The following PTPRR variants were observed in gnomAD, a reference collection of about 807,000 sequenced individuals.
PTPRR encodes protein tyrosine phosphatase receptor type R.
PTPRR carries 38 observed loss-of-function variants against 77.2 expected under a neutral mutation model. The observed-to-expected ratio is 0.49, with a 90% confidence interval of 0.38 to 0.65. PTPRR has a LOEUF of 0.65. Among genes scored for constraint, PTPRR ranks in the 30% least tolerant of loss-of-function variants. The probability of loss-of-function intolerance (pLI) is 0.00; values close to 1 mark genes in which losing one functional copy is unlikely to be tolerated. For missense variants in PTPRR, 744 were observed against 799.2 expected, an observed-to-expected ratio of 0.93 and a Z score of 0.83; for synonymous variants, 299 against 283.1, an observed-to-expected ratio of 1.06 and a Z score of -0.57.
intron 6 of PTPRR, 76 bp downstream of exon 6, chr12:70,745,742 T>A (rs2136927054): frequency 6.8e-7 from 1 of 1,470,892 alleles, no homozygotes; most frequent in South Asian, 1.3e-5. Context: ...CAATCATTAC[T>A]AGTTCTTTCT....
rs73329575 is a variant in PTPRR, at chr12:70,687,600, C to T, written c.1280-2817G>A. Among the ~76,000 whole-genome samples, 227 of 152,136 alleles carry T rather than the reference C, an allele frequency of 1.5e-3. 2 individuals carry two copies. Among genetic ancestry groups the T allele is most frequent in the African/African-American group, 4.5e-3 (185 of 41,528 alleles). ...GGTGGCATCCAAGAATCCTGTTGATCGAGGCAGGCTTTCATTCAGTTTGAA... is the reference window on the plus strand; with the variant it reads ...GGTGGCATCCAAGAATCCTGTTGATTGAGGCAGGCTTTCATTCAGTTTGAA... On this transcript the variant is annotated intron_variant, in intron 8 of 13. Coordinates refer to ENST00000283228, the MANE Select transcript of PTPRR (RefSeq NM_002849.4).
At chr12:70,686,730 G>A (rs78285706) in intron 8 of PTPRR, among the ~76,000 whole-genome samples, 1 of 152,112 alleles carries the variant, frequency 6.6e-6, no homozygotes, top group African/African-American at 2.4e-5. Context: ...ATATGAATGA[G>A]CCCTCTTAGA....
intron 2 of PTPRR, among the ~76,000 whole-genome samples, chr12:70,867,471 A>G (rs35762101): frequency 0.059 from 8,916 of 151,994 alleles, 337 homozygotes; most frequent in African/African-American, 0.12. Flanking sequence ...TAGGAATCCA[A>G]CTTACAAGGG....
chr12:70,807,744 A>C (rs1005193327), intron 2 of PTPRR, among the ~76,000 whole-genome samples: 1 of 152,188 alleles, frequency 6.6e-6, no homozygotes, highest in Non-Finnish European at 1.5e-5. Context: ...TCACTTCCCC[A>C]ATCAATACTC....
rs1165585559 is a variant in PTPRR, at chr12:70,769,891, C to G, written c.358-5113G>C. On this transcript the variant is annotated intron_variant, in intron 2 of 13. Coordinates refer to ENST00000283228, the MANE Select transcript of PTPRR (RefSeq NM_002849.4). ...ACTATCTGATCTTTGACAAACCTGA[C>G]AAAAACAAGCAATGGGGAAAGATTC... is the stretch of plus-strand genomic sequence containing the variant. 1.8e-4 allele frequency among the ~76,000 whole-genome samples: 28 copies of G among 152,060 alleles called. 1 individual carries two copies. The South Asian group carries it at 5.6e-3, about 30-fold the overall frequency.
intron 6 of PTPRR, among the ~76,000 whole-genome samples, chr12:70,733,719 A>T (rs889173549): frequency 6.6e-6 from 1 of 152,174 alleles, no homozygotes; most frequent in Non-Finnish European, 1.5e-5. Context: ...TAAGATTTCC[A>T]GAAAAAGATA....
At chr12:70,752,339 C>T (rs925696035) in intron 5 of PTPRR, among the ~76,000 whole-genome samples, 7 of 152,102 alleles carry the variant, frequency 4.6e-5, no homozygotes, top group African/African-American at 1.2e-4. Flanking sequence ...GTTCTAATAA[C>T]GTTAGAGTCG....
At chr12:70,889,470 C>G (rs957169821) in intron 2 of PTPRR, among the ~76,000 whole-genome samples, 3 of 152,182 alleles carry the variant, frequency 2.0e-5, no homozygotes, top group Non-Finnish European at 2.9e-5. Context: ...ATAGCTATCA[C>G]ACGTTTTTGG....
intron 1 of PTPRR, among the ~76,000 whole-genome samples, chr12:70,896,730 T>C (rs543812880): frequency 3.3e-5 from 5 of 151,754 alleles, no homozygotes; most frequent in Non-Finnish European, 7.4e-5. Context: ...TCTTCTAGGG[T>C]TTTTACGGTT....
intron 2 of PTPRR, among the ~76,000 whole-genome samples, chr12:70,878,120 C>A (rs548900157): frequency 0.034 from 5,212 of 152,084 alleles, 300 homozygotes; most frequent in African/African-American, 0.12. Context: ...TAAAGACTTA[C>A]ATGTTAGACC....
At chr12:70,741,726 C>T (rs560324036) in intron 6 of PTPRR, among the ~76,000 whole-genome samples, 1 of 152,166 alleles carries the variant, frequency 6.6e-6, no homozygotes, top group East Asian at 1.9e-4. Context: ...AGAAAACGCC[C>T]ATGGGCTCAG....
In PTPRR at chr12:70,834,452, C is replaced by T. The variant is rs535504440; in HGVS notation, c.357+58227G>A. Reference sequence around the variant, plus strand: ...CAGGCTGTTCAAATAACATGGTTAACGCAAAATGCAAAATTGGCTCACTTT... The same window carrying T: ...CAGGCTGTTCAAATAACATGGTTAATGCAAAATGCAAAATTGGCTCACTTT... On this transcript the variant is annotated intron_variant, in intron 2 of 13. Coordinates refer to ENST00000283228, the MANE Select transcript of PTPRR (RefSeq NM_002849.4). 7.9e-5 allele frequency among the ~76,000 whole-genome samples: 12 copies of T among 152,228 alleles called. No homozygotes were observed. The East Asian group carries it at 1.2e-3, about 15-fold the overall frequency.
At chr12:70,869,086 A>G (rs1460100542) in intron 2 of PTPRR, among the ~76,000 whole-genome samples, 2 of 150,200 alleles carry the variant, frequency 1.3e-5, no homozygotes, top group Admixed American at 1.3e-4. Flanking sequence ...CTAATGCTAA[A>G]TGACGAGTTA....
chr12:70,671,750 G>A (rs1753312450), intron 10 of PTPRR, among the ~76,000 whole-genome samples: 1 of 152,212 alleles, frequency 6.6e-6, no homozygotes, highest in South Asian at 2.1e-4. Context: ...AGCATCATAG[G>A]TAAACCAACT....
chr12:70,903,152 G>T (rs1463428097), intron 1 of PTPRR, among the ~76,000 whole-genome samples: 1 of 151,720 alleles, frequency 6.6e-6, no homozygotes, highest in Non-Finnish European at 1.5e-5. Context: ...TAAAGTTTAA[G>T]ATAGGCAGGA....
intron 10 of PTPRR, among the ~76,000 whole-genome samples, chr12:70,665,800 C>A (rs554635701): frequency 2.0e-5 from 3 of 151,280 alleles, no homozygotes; most frequent in East Asian, 3.9e-4. Context: ...AAAAAAAAAA[C>A]CTATTTTTAA....
At chr12:70,919,253 G>C (rs1177155597) in intron 1 of PTPRR, among the ~76,000 whole-genome samples, 1 of 152,172 alleles carries the variant, frequency 6.6e-6, no homozygotes, top group East Asian at 1.9e-4. Flanking sequence ...CTCAGCAAAT[G>C]TTGCTTGAAG....
At chr12:70,909,584 G>A (rs1893671142) in intron 1 of PTPRR, among the ~76,000 whole-genome samples, 1 of 152,120 alleles carries the variant, frequency 6.6e-6, no homozygotes, top group African/African-American at 2.4e-5. Flanking sequence ...CCACTCAAAG[G>A]AACAAAACAA....
intron 2 of PTPRR, among the ~76,000 whole-genome samples, chr12:70,853,726 G>A (rs558199628): frequency 6.6e-6 from 1 of 152,264 alleles, no homozygotes; most frequent in Admixed American, 6.5e-5. Flanking sequence ...GCAGCTCTAG[G>A]GCCCCAAGCT....
Sources: gnomAD v4.1 joint callset for allele counts (sites outside exome capture counted in the v4.1 genomes callset) on GRCh38, gnomAD v4.1.1 for gene constraint, MANE v1.5 for transcripts, NCBI Gene and HGNC (gene_info 2026-07-23, HGNC 2026-07-21) for gene names.